The following STX8 variants were observed in gnomAD, a reference collection of about 807,000 sequenced individuals.
STX8 encodes syntaxin-8.
STX8 carries 23 observed loss-of-function variants against 37.5 expected under a neutral mutation model. That is an observed-to-expected ratio of 0.61 (90% CI 0.44 to 0.87). The LOEUF is 0.87. Ranked by LOEUF, STX8 falls within the 40% of genes least tolerant of loss-of-function variation. The pLI is 0.00. For synonymous variants in STX8, 115 were observed against 99.1 expected (o/e 1.16, Z -0.95); for missense variants, 313 against 284.7 (o/e 1.10, Z -0.71).
chr17:9,300,830 C>CTTTTTTTTTT (rs1164799565), intron 7 of STX8, among the ~76,000 whole-genome samples: 19 of 90,900 alleles, frequency 2.1e-4, no homozygotes, highest in Non-Finnish European at 2.9e-4. Flanking sequence ...TTATTTTGTT[C>CTTTTTTTTTT]TTTTTTTTTT....
chr17:9,550,408 CA>C (rs1300115035), intron 3 of STX8, among the ~76,000 whole-genome samples: 3 of 151,610 alleles, frequency 2.0e-5, no homozygotes, highest in Non-Finnish European at 4.4e-5. Context: ...TAATTATAGC[CA>C]ATTCATGGAT....
At chr17:9,369,163 TGAA>T (rs373856990) in intron 7 of STX8, among the ~76,000 whole-genome samples, 115 of 152,260 alleles carry the variant, frequency 7.6e-4, no homozygotes, top group African/African-American at 2.6e-3. Flanking sequence ...CTGGCATGGA[TGAA>T]GAAGAGAACA....
chr17:9,568,476 C>T lies in STX8; in HGVS notation c.18-6G>A. On this transcript the variant is annotated splice_region_variant and splice_polypyrimidine_tract_variant and intron_variant, in intron 1 of 7. Transcript: ENST00000306357. ...TAGAATCGTATGTGGAGAACCTGCA[C>T]CAAAGTCGTAAAAAGAGAAAATGTT... 2 of 1,607,790 alleles carry T rather than the reference C, an allele frequency of 1.2e-6. No homozygotes were observed. The highest frequency in any genetic ancestry group is 1.7e-6 in the Non-Finnish European group (2 of 1,177,400).
At chr17:9,262,533 GTTTT>G (rs957182003) in intron 7 of STX8, among the ~76,000 whole-genome samples, 1 of 149,564 alleles carries the variant, frequency 6.7e-6, no homozygotes, top group African/African-American at 2.6e-5. Flanking sequence ...TAAATTACAT[GTTTT>G]TTGTTTCTTT....
chr17:9,477,834 T>C (rs768490870), intron 6 of STX8, among the ~76,000 whole-genome samples: 6 of 152,164 alleles, frequency 3.9e-5, no homozygotes, highest in Non-Finnish European at 7.4e-5. Flanking sequence ...CCAAGGTGGG[T>C]GGCCTGAGTA....
At chr17:9,454,549 A>G (rs12951316) in intron 6 of STX8, among the ~76,000 whole-genome samples, 32,775 of 151,916 alleles carry the variant, frequency 0.22, 3,951 homozygotes, top group Middle Eastern at 0.33. Context: ...GCCTGGTGGC[A>G]GGCGCCTATA....
At chr17:9,314,963 G>A (rs566623062) in intron 7 of STX8, among the ~76,000 whole-genome samples, 124 of 151,396 alleles carry the variant, frequency 8.2e-4, no homozygotes, top group Middle Eastern at 3.4e-3. Flanking sequence ...TTAGCCAGTC[G>A]TGGTGGCATG....
chr17:9,345,401 C>G (rs569867340), intron 7 of STX8, among the ~76,000 whole-genome samples: 1 of 152,098 alleles, frequency 6.6e-6, no homozygotes, highest in East Asian at 1.9e-4. Context: ...CCGCCTGCCT[C>G]GGCCTCCCAA....
At chr17:9,501,416 C>T (rs1241887788) in intron 5 of STX8, among the ~76,000 whole-genome samples, 9 of 152,150 alleles carry the variant, frequency 5.9e-5, no homozygotes, top group South Asian at 2.1e-4. Flanking sequence ...GGCCCATACG[C>T]GCAGCAGCTC....
chr17:9,434,725 T>C (rs554914493), intron 6 of STX8, among the ~76,000 whole-genome samples: 4 of 152,340 alleles, frequency 2.6e-5, no homozygotes, highest in African/African-American at 9.6e-5. Context: ...CTGTTCCTTG[T>C]AGAGCAGGGC....
At chr17:9,450,764 C>T (rs1905014414) in intron 6 of STX8, among the ~76,000 whole-genome samples, 1 of 151,848 alleles carries the variant, frequency 6.6e-6, no homozygotes, top group Admixed American at 6.6e-5. Flanking sequence ...CACTTTTCTC[C>T]CCATTCACAC....
At chr17:9,301,648 A>ATT (rs1208200549) in intron 7 of STX8, among the ~76,000 whole-genome samples, 1 of 133,890 alleles carries the variant, frequency 7.5e-6, no homozygotes, top group Non-Finnish European at 1.5e-5. Context: ...ATGTCCGGCC[A>ATT]TTTTTGTTTT....
intron 7 of STX8, among the ~76,000 whole-genome samples, chr17:9,311,048 C>A (rs1021674446): frequency 6.6e-6 from 1 of 151,960 alleles, no homozygotes; most frequent in Non-Finnish European, 1.5e-5. Context: ...ACCAGCCTGA[C>A]CCACGTGGTG....
intron 7 of STX8, among the ~76,000 whole-genome samples, chr17:9,331,808 A>T (rs1032186149): frequency 1.3e-5 from 2 of 152,122 alleles, no homozygotes; most frequent in Non-Finnish European, 2.9e-5. Flanking sequence ...TCCTTCTGCA[A>T]TTCTTTGCTT....
chr17:9,309,488 T>A (rs897441576), intron 7 of STX8, among the ~76,000 whole-genome samples: 2 of 152,120 alleles, frequency 1.3e-5, no homozygotes, highest in African/African-American at 4.8e-5. Context: ...AAGTAGATTA[T>A]TGGGGAAAAA....
At chr17:9,383,116 T>C (rs1279458086) in intron 6 of STX8, among the ~76,000 whole-genome samples, 1 of 152,132 alleles carries the variant, frequency 6.6e-6, no homozygotes. Context: ...AGGAAACAGA[T>C]CCTCACCAGA....
chr17:9,486,632 C>A (rs1200704509), intron 6 of STX8, among the ~76,000 whole-genome samples: 1 of 152,156 alleles, frequency 6.6e-6, no homozygotes, highest in African/African-American at 2.4e-5. Context: ...GGGAGGATTG[C>A]TTGAGCTCAG....
intron 7 of STX8, among the ~76,000 whole-genome samples, chr17:9,256,480 T>G (rs975073273): frequency 6.6e-6 from 1 of 152,238 alleles, no homozygotes; most frequent in African/African-American, 2.4e-5. Context: ...AGAACAGTGA[T>G]GAGCCCATCC....
intron 7 of STX8, among the ~76,000 whole-genome samples, chr17:9,280,975 A>G (rs2142151795): frequency 6.6e-6 from 1 of 152,332 alleles, no homozygotes; most frequent in South Asian, 2.1e-4. Context: ...TGTGGGCCAC[A>G]GATAAGCAGG....
Sources: allele counts gnomAD v4.1 joint callset (sites outside exome capture counted in the v4.1 genomes callset), GRCh38; gene constraint gnomAD v4.1.1; transcripts MANE v1.5; gene names NCBI Gene and HGNC (gene_info 2026-07-23, HGNC 2026-07-21).